RTN4RL1: variants seen among roughly 807,000 people sequenced by gnomAD.
The protein encoded by RTN4RL1 is reticulon-4 receptor-like 1.
RTN4RL1 carries 7 observed loss-of-function variants against 25.6 expected under a neutral mutation model. That is an observed-to-expected ratio of 0.27 (90% CI 0.16 to 0.51). The LOEUF is 0.51. Among genes scored for constraint, RTN4RL1 ranks in the 20% least tolerant of loss-of-function variants. The probability of loss-of-function intolerance (pLI) is 0.97; values close to 1 mark genes in which losing one functional copy is unlikely to be tolerated. For missense variants in RTN4RL1, 500 were observed against 615.6 expected (o/e 0.81, Z 1.99); for synonymous variants, 297 against 288.2 (o/e 1.03, Z -0.31).
At chr17:2,005,503 C>G (rs559901848) in intron 1 of RTN4RL1, among the ~76,000 whole-genome samples, 3 of 152,190 alleles carry the variant, frequency 2.0e-5, no homozygotes, top group Non-Finnish European at 4.4e-5. Flanking sequence ...GCCCTCCCTA[C>G]CAAGCCCTTT....
intron 1 of RTN4RL1, among the ~76,000 whole-genome samples, chr17:1,978,429 T>TCG (rs1248391990): frequency 5.3e-4 from 81 of 152,290 alleles, no homozygotes; most frequent in Non-Finnish European, 1.1e-3. Flanking sequence ...GCAGAAGCCT[T>TCG]TAGAGGAGAG....
intron 1 of RTN4RL1, among the ~76,000 whole-genome samples, chr17:1,980,494 T>A (rs2066862414): frequency 1.3e-5 from 2 of 152,182 alleles, no homozygotes; most frequent in Admixed American, 1.3e-4. Context: ...CATGTTCACA[T>A]GCTAACAGTG....
At chr17:1,941,800 G>A (rs2151304878) in intron 1 of RTN4RL1, among the ~76,000 whole-genome samples, 1 of 152,242 alleles carries the variant, frequency 6.6e-6, no homozygotes, top group African/African-American at 2.4e-5. Context: ...GTCCCAGCTG[G>A]CCCCGCCGCC....
chr17:1,960,109 A>C (rs1308483742), intron 1 of RTN4RL1, among the ~76,000 whole-genome samples: 3 of 151,736 alleles, frequency 2.0e-5, no homozygotes, highest in Non-Finnish European at 2.9e-5. Context: ...CCTTTCCTTC[A>C]TCATCTCTTC....
In RTN4RL1 at chr17:1,935,711, GTATATATATATATATA is replaced by G. The variant is rs58785478; in HGVS notation, c.*769_*784del. ...AGTGGGAGGGGGACTGTGCATTTGT[GTATATATATATATATA>G]TATATATATATATATATATATATAT... On this transcript the variant is annotated 3_prime_UTR_variant, in exon 2 of 2. Coordinates refer to ENST00000331238, the MANE Select transcript of RTN4RL1 (RefSeq NM_178568.4). 1.7e-3 allele frequency: 271 copies of G among 159,870 alleles called. 12 individuals carry two copies. The highest frequency in any genetic ancestry group is 4.7e-3 in the African/African-American group (98 of 21,010). The allele number at this position is 159,870 out of a possible 1,614,324, so 9.9% of individuals were successfully genotyped here. A position where few individuals can be genotyped will look rare whatever the true frequency, so the allele number is the denominator to read the frequency against.
chr17:1,961,425 G>A (rs1306929415), intron 1 of RTN4RL1, among the ~76,000 whole-genome samples: 3 of 152,132 alleles, frequency 2.0e-5, no homozygotes, highest in Admixed American at 6.6e-5. Flanking sequence ...GTCACGTGAC[G>A]GCCTCTCTAG....
intron 1 of RTN4RL1, among the ~76,000 whole-genome samples, chr17:1,992,358 C>CAAAAAAAAAAAAA (rs1021180493): frequency 1.9e-5 from 1 of 53,314 alleles, no homozygotes. Context: ...GACTCTGTCT[C>CAAAAAAAAAAAAA]AAAAAAAAAA....
At chr17:2,019,770 C>T (rs1420209033) in intron 1 of RTN4RL1, 2 of 152,216 alleles carry the variant, frequency 1.3e-5, no homozygotes, top group Non-Finnish European at 2.9e-5. Flanking sequence ...AACGAGGGCT[C>T]GTGCTGGGAG....
chr17:1,984,439 C>A (rs1424678209), intron 1 of RTN4RL1, among the ~76,000 whole-genome samples: 1 of 152,114 alleles, frequency 6.6e-6, no homozygotes, highest in Non-Finnish European at 1.5e-5. Context: ...TCATAGCTCA[C>A]TGAAGCCTCA....
intron 1 of RTN4RL1, among the ~76,000 whole-genome samples, chr17:1,955,481 G>A (rs1049655523): frequency 6.6e-6 from 1 of 151,670 alleles, no homozygotes; most frequent in East Asian, 2.0e-4. Context: ...ACTTGAGCCC[G>A]GGAGGTCAAG....
intron 1 of RTN4RL1, among the ~76,000 whole-genome samples, chr17:1,995,407 C>T (rs1250300505): frequency 8.4e-6 from 1 of 118,764 alleles, no homozygotes; most frequent in Non-Finnish European, 1.7e-5. Context: ...GCCTGGGTGA[C>T]AAGAGTGAAA....
chr17:1,958,673 C>G (rs931579832), intron 1 of RTN4RL1, among the ~76,000 whole-genome samples: 3 of 152,204 alleles, frequency 2.0e-5, no homozygotes, highest in African/African-American at 7.2e-5. Context: ...AGAAACAGTT[C>G]CGGCAGGATC....
chr17:2,015,543 C>T (rs547210678), intron 1 of RTN4RL1, among the ~76,000 whole-genome samples: 4 of 152,254 alleles, frequency 2.6e-5, no homozygotes, highest in East Asian at 1.9e-4. Flanking sequence ...GAGGGGCAGC[C>T]GCAGAACCAT....
At chr17:1,981,396 A>G (rs1250518789) in intron 1 of RTN4RL1, among the ~76,000 whole-genome samples, 1 of 152,108 alleles carries the variant, frequency 6.6e-6, no homozygotes, top group Non-Finnish European at 1.5e-5. Flanking sequence ...AACAACAACA[A>G]CAAAAACCTA....
chr17:1,984,963 A>G (rs550225386), intron 1 of RTN4RL1, among the ~76,000 whole-genome samples: 3 of 149,146 alleles, frequency 2.0e-5, no homozygotes, highest in Admixed American at 6.6e-5. Context: ...GCGAAACTCC[A>G]TCTCAAAAAA....
chr17:1,977,307 C>T (rs906979603), intron 1 of RTN4RL1, among the ~76,000 whole-genome samples: 4 of 152,164 alleles, frequency 2.6e-5, no homozygotes, highest in African/African-American at 9.7e-5. Context: ...CCGAGAGCGC[C>T]CCGCACCCAC....
At chr17:1,940,888 C>T (rs1915424675) in intron 1 of RTN4RL1, among the ~76,000 whole-genome samples, 2 of 152,226 alleles carry the variant, frequency 1.3e-5, no homozygotes, top group Admixed American at 1.3e-4. Flanking sequence ...TCTCATCCCA[C>T]ATCTCAGGCT....
At chr17:2,005,889 C>T (rs1373306602) in intron 1 of RTN4RL1, among the ~76,000 whole-genome samples, 6 of 150,486 alleles carry the variant, frequency 4.0e-5, no homozygotes, top group East Asian at 2.0e-4. Context: ...CTCCGCCACC[C>T]GGGTTCCAGC....
At chr17:2,008,930 G>C (rs112563015) in intron 1 of RTN4RL1, among the ~76,000 whole-genome samples, 115 of 152,192 alleles carry the variant, frequency 7.6e-4, no homozygotes, top group African/African-American at 2.6e-3. Flanking sequence ...TCTCCTAGCA[G>C]GTTGTAAATT....
Sources: gnomAD v4.1 joint callset for allele counts (sites outside exome capture counted in the v4.1 genomes callset) on GRCh38, gnomAD v4.1.1 for gene constraint, MANE v1.5 for transcripts, NCBI Gene and HGNC (gene_info 2026-07-23, HGNC 2026-07-21) for gene names.